Variants in JAK1 observed in about 807,000 individuals in gnomAD.
The protein encoded by JAK1 is Janus kinase 1.
In JAK1, 16 loss-of-function variants were observed where a neutral mutation model predicts 136.6. That is an observed-to-expected ratio of 0.12 (90% CI 0.08 to 0.18). The LOEUF is 0.18. JAK1 is among the 10% of genes least tolerant of loss of function. JAK1 has a pLI of 1.00. For missense variants in JAK1, 859 were observed against 1,450.1 expected (o/e 0.59, Z 6.62); for synonymous variants, 492 against 519.5 (o/e 0.95, Z 0.72).
intron 2 of JAK1, among the ~76,000 whole-genome samples, chr1:65,022,271 C>T (rs1423987016): frequency 6.6e-6 from 1 of 152,216 alleles, no homozygotes; most frequent in Non-Finnish European, 1.5e-5. Context: ...TGTCCCCTCT[C>T]CTTTCTCTCA....
rs1456372823 is a variant in JAK1, at chr1:64,913,699, G to A, written c.-77-27358C>T. On this transcript the variant is annotated intron_variant, in intron 1 of 24. Coordinates refer to ENST00000342505, the MANE Select transcript of JAK1 (RefSeq NM_002227.4). The stretch of plus-strand genomic sequence containing the variant: ...AGGAAGGAAGGAAGGAAGGAAGGAA[G>A]GAAAGAAGGGAGGGAGGGAGGGAGG... Among the ~76,000 whole-genome samples the A allele has an allele frequency of 7.6e-3, 238 of 31,162 alleles. 2 individuals carry two copies. The highest frequency in any genetic ancestry group is 0.014 in the African/African-American group (154 of 10,716). 20.4% of individuals were successfully genotyped at this position (31,162 alleles called of 152,430 possible). A position where few individuals can be genotyped will look rare whatever the true frequency, so the allele number is the denominator to read the frequency against.
intron 1 of JAK1, among the ~76,000 whole-genome samples, chr1:65,063,146 G>A (rs1468706729): frequency 6.6e-6 from 1 of 152,182 alleles, no homozygotes; most frequent in Non-Finnish European, 1.5e-5. Flanking sequence ...TGATTTGGTG[G>A]GGAGGGGGAC....
At chr1:64,886,121 T>A in intron 2 of JAK1, 138 bp downstream of exon 2, 1 of 554,740 alleles carries the variant, frequency 1.8e-6, no homozygotes, top group South Asian at 2.8e-5. Flanking sequence ...ATACTCAACA[T>A]TGGGAATGAA....
intron 2 of JAK1, among the ~76,000 whole-genome samples, chr1:65,034,370 C>G (rs919669225): frequency 6.6e-6 from 1 of 152,196 alleles, no homozygotes. Flanking sequence ...AGGATCAGGA[C>G]AGACTTAATA....
At chr1:64,907,298 G>A (rs1410195293) in intron 1 of JAK1, among the ~76,000 whole-genome samples, 1 of 152,174 alleles carries the variant, frequency 6.6e-6, no homozygotes, top group Non-Finnish European at 1.5e-5. Context: ...ATTAGAAAAT[G>A]AAAAGGCTGG....
chr1:64,995,879 C>T (rs1317969379), intron 2 of JAK1, among the ~76,000 whole-genome samples: 2 of 152,142 alleles, frequency 1.3e-5, no homozygotes, highest in Non-Finnish European at 2.9e-5. Flanking sequence ...GCCGGGACTA[C>T]AGCTGTGCGC....
intron 2 of JAK1, among the ~76,000 whole-genome samples, chr1:65,025,481 G>A (rs998407301): frequency 2.6e-5 from 4 of 152,096 alleles, no homozygotes; most frequent in Non-Finnish European, 5.9e-5. Flanking sequence ...AAGAGGTGAG[G>A]CCACAGGGTA....
chr1:64,944,571 T>C (rs895317336), intron 1 of JAK1, among the ~76,000 whole-genome samples: 1 of 152,150 alleles, frequency 6.6e-6, no homozygotes, highest in Non-Finnish European at 1.5e-5. Context: ...TAAATGTTCA[T>C]CCAGGAACAC....
intron 2 of JAK1, among the ~76,000 whole-genome samples, chr1:64,982,632 T>G (rs1646559142): frequency 6.6e-6 from 1 of 152,252 alleles, no homozygotes; most frequent in Non-Finnish European, 1.5e-5. Flanking sequence ...CTTATGTCTC[T>G]AAGACCACAG....
At chr1:64,982,670 T>C (rs1465157805) in intron 2 of JAK1, among the ~76,000 whole-genome samples, 1 of 152,236 alleles carries the variant, frequency 6.6e-6, no homozygotes, top group African/African-American at 2.4e-5. Flanking sequence ...AGCTGAGTTT[T>C]AGCTCTGCTT....
intron 2 of JAK1, chr1:64,973,621 C>CAAAAA (rs1014601503): frequency 3.1e-5 from 2 of 63,610 alleles, no homozygotes; most frequent in African/African-American, 5.7e-5. Context: ...TCTCACTTTG[C>CAAAAA]AAAAAAAAAA....
chr1:65,047,351 C>T (rs1647193627), intron 1 of JAK1, among the ~76,000 whole-genome samples: 2 of 152,160 alleles, frequency 1.3e-5, no homozygotes, highest in Non-Finnish European at 2.9e-5. Context: ...ATGATATTTA[C>T]CTATATAGAT....
At position 64,844,049 on chromosome 1, in the gene JAK1, G is replaced by T. The variant is rs530458417; in HGVS notation, c.2403+15C>A. 2 of 1,613,334 alleles carry T rather than the reference G, an allele frequency of 1.2e-6. No individual in the cohort carries two copies. The highest frequency in any genetic ancestry group is 2.7e-5 in the African/African-American group (2 of 74,866). On this transcript the variant is annotated intron_variant, in intron 17 of 24. Transcript: ENST00000342505. The surrounding 1 kb of genome is among the most constrained non-coding windows in gnomAD (Gnocchi z 5.7). The stretch of plus-strand genomic sequence containing the variant: ...AGCCCTCACTTGCCTCACGCCCCGG[G>T]AAACACCTGCTCACCTCAATCAGCG...
chr1:64,977,768 T>C (rs1236696565), intron 2 of JAK1, among the ~76,000 whole-genome samples: 2 of 152,128 alleles, frequency 1.3e-5, no homozygotes, highest in Admixed American at 6.5e-5. Flanking sequence ...ACTGAATCTC[T>C]TACTTGCATT....
chr1:64,958,664 T>C (rs1261205047), intron 1 of JAK1, among the ~76,000 whole-genome samples: 2 of 152,250 alleles, frequency 1.3e-5, no homozygotes, highest in Non-Finnish European at 2.9e-5. Flanking sequence ...AGATTATTTT[T>C]TCCTTGAGTT....
chr1:64,978,249 G>A (rs183464616), intron 2 of JAK1, among the ~76,000 whole-genome samples: 47 of 152,262 alleles, frequency 3.1e-4, no homozygotes, highest in African/African-American at 1.1e-3. Context: ...CTGCACTCCA[G>A]CCTGGGCAGC....
At chr1:64,884,047 A>T (rs747661229) in intron 2 of JAK1, among the ~76,000 whole-genome samples, 6 of 152,190 alleles carry the variant, frequency 3.9e-5, no homozygotes, top group Non-Finnish European at 8.8e-5. Context: ...ATTCATGTTC[A>T]TAAGTCACAT....
rs114256320 is a variant in JAK1, at chr1:64,858,638, T to C, written c.1335-859A>G. Among the ~76,000 whole-genome samples the C allele has an allele frequency of 7.8e-3, 1,191 of 152,302 alleles. 9 individuals carry two copies. Among genetic ancestry groups the C allele is most frequent in the Middle Eastern group, 0.065 (19 of 294 alleles). ...ACAAATACTCACTGAGGGCCTACAA[T>C]GTGTCAGACCCTGTGTGTGCTAAGA... On this transcript the variant is annotated intron_variant, in intron 9 of 24. Transcript: ENST00000342505.
chr1:64,839,098 A>G (rs1654707322), intron 20 of JAK1, among the ~76,000 whole-genome samples: 1 of 132,708 alleles, frequency 7.5e-6, no homozygotes, highest in South Asian at 2.6e-4. Context: ...GTGAGCCGAG[A>G]TTGCGCCACT....
Sources: allele counts gnomAD v4.1 joint callset (sites outside exome capture counted in the v4.1 genomes callset), GRCh38; gene constraint gnomAD v4.1.1; non-coding constraint Gnocchi (gnomAD v3.1); transcripts MANE v1.5; gene names NCBI Gene and HGNC (gene_info 2026-07-23, HGNC 2026-07-21).